Variants in UPF3B observed in about 807,000 individuals in gnomAD.
UPF3B encodes the protein regulator of nonsense transcripts 3B.
A neutral mutation model predicts 40.3 loss-of-function variants in UPF3B; 7 were observed. That is an observed-to-expected ratio of 0.17 (90% CI 0.10 to 0.33). UPF3B has a LOEUF of 0.33. UPF3B is among the 10% of genes least tolerant of loss of function. The probability of loss-of-function intolerance (pLI) is 1.00; values close to 1 mark genes in which losing one functional copy is unlikely to be tolerated. For missense variants in UPF3B, 229 were observed against 358.9 expected, an observed-to-expected ratio of 0.64 and a Z score of 2.93; for synonymous variants, 117 against 117.3, an observed-to-expected ratio of 1.00 and a Z score of 0.01.
intron 5 of UPF3B, among the ~76,000 whole-genome samples, chrX:119,814,866 T>C (rs1242245859): frequency 6.2e-5 from 5 of 81,244 alleles, no homozygotes; most frequent in South Asian, 1.2e-3. Flanking sequence ...TTTCTTTTTT[T>C]TTTTTTTTTT....
chrX:119,818,004 C>T (rs2055879480), intron 4 of UPF3B, among the ~76,000 whole-genome samples: 1 of 111,920 alleles, frequency 8.9e-6, no homozygotes, highest in Non-Finnish European at 1.9e-5. Flanking sequence ...CAGTGGCTCA[C>T]ACCTGTAATC....
intron 3 of UPF3B, among the ~76,000 whole-genome samples, chrX:119,823,355 C>T (rs1005522787): frequency 9.0e-6 from 1 of 110,931 alleles, no homozygotes; most frequent in African/African-American, 3.3e-5. Flanking sequence ...GGAATCCTAC[C>T]ACCTCAGCTC....
intron 8 of UPF3B, among the ~76,000 whole-genome samples, chrX:119,839,900 A>G (rs1025225116): frequency 8.9e-6 from 1 of 111,802 alleles, no homozygotes; most frequent in Non-Finnish European, 1.9e-5. Context: ...AGGAATAGCA[A>G]GTCAAGTCAC....
At chrX:119,808,836 C>T (rs1218875974) in intron 5 of UPF3B, among the ~76,000 whole-genome samples, 2 of 112,585 alleles carry the variant, frequency 1.8e-5, no homozygotes, top group Non-Finnish European at 3.7e-5. Context: ...TCCATTTTCA[C>T]CTGCCTTTGC....
intron 5 of UPF3B, among the ~76,000 whole-genome samples, chrX:119,812,887 A>G (rs1375879568): frequency 9.0e-6 from 1 of 110,902 alleles, no homozygotes; most frequent in African/African-American, 3.3e-5. Flanking sequence ...TAATGAAATC[A>G]CGACTGCCAA....
At chrX:119,846,971 T>C (rs1314978981) in intron 3 of UPF3B, among the ~76,000 whole-genome samples, 2 of 112,449 alleles carry the variant, frequency 1.8e-5, no homozygotes, top group Non-Finnish European at 3.8e-5. Flanking sequence ...TCAAAAGACT[T>C]GAATAGACAT....
chrX:119,845,051 A>G (rs1273118484), intron 4 of UPF3B, 147 bp downstream of exon 4: 1 of 478,805 alleles, frequency 2.1e-6, no homozygotes, highest in African/African-American at 2.4e-5. Flanking sequence ...CAATTAAGCA[A>G]AGCTTCCATC....
chrX:119,846,858 A>G (rs2147795451), intron 3 of UPF3B, among the ~76,000 whole-genome samples: 1 of 112,665 alleles, frequency 8.9e-6, no homozygotes, highest in South Asian at 3.6e-4. Context: ...AATGGGAGAA[A>G]TATTTGCAAA....
intron 4 of UPF3B, among the ~76,000 whole-genome samples, chrX:119,820,187 A>C (rs2055901355): frequency 9.0e-6 from 1 of 111,188 alleles, no homozygotes; most frequent in Non-Finnish European, 1.9e-5. Flanking sequence ...TCTGTCGCTC[A>C]GGCAGGAGTG....
intron 3 of UPF3B, among the ~76,000 whole-genome samples, chrX:119,824,543 G>C (rs1263006836): frequency 9.1e-6 from 1 of 110,204 alleles, no homozygotes; most frequent in African/African-American, 3.3e-5. Context: ...GTCAACTCAT[G>C]CCTGGTGGTT....
At position 119,838,035 on chromosome X, in the gene UPF3B, C is replaced by T. The variant is rs372808214; in HGVS notation, c.1024G>A (p.Gly342Ser). The change falls in exon 10 of 11, where the codon GGC becomes AGC. Residue 342 changes from glycine to serine, a missense_variant. Transcript: ENST00000276201. The stretch of plus-strand genomic sequence containing the variant: ...CGTTCCCTCTCCCTATAGTCTCTGC[C>T]GCTCTCATCTTCAGGTCTGCATGAA... ...EKPKRPEDES[G>S]RDYREREREY... 6 of 1,208,855 alleles carry T rather than the reference C, an allele frequency of 5.0e-6. No homozygotes were observed. The highest frequency in any genetic ancestry group is 3.5e-5 in the African/African-American group (2 of 56,943).
chrX:119,814,705 C>T (rs1448854184), intron 5 of UPF3B, among the ~76,000 whole-genome samples: 1 of 111,909 alleles, frequency 8.9e-6, no homozygotes, highest in Non-Finnish European at 1.9e-5. Flanking sequence ...AATTGCAATG[C>T]ATGTCCTTGC....
rs1306905121 is a variant in UPF3B, at chrX:119,851,750, T to G, written c.263+17A>C. ...AACCTTTTTCATTTACCCCTTTCCT[T>G]TTTTTTTTTTTTTTACCTCGTATCA... On this transcript the variant is annotated intron_variant, in intron 2 of 10. Transcript: ENST00000276201. The G allele has an allele frequency of 2.6e-6, 1 of 380,647 alleles. No homozygotes were observed. 31.4% of individuals were successfully genotyped at this position (380,647 alleles called of 1,213,427 possible).
intron 3 of UPF3B, 82 bp from the exon 4 acceptor site, chrX:119,845,378 T>C (rs2056215226): frequency 2.4e-6 from 2 of 820,066 alleles, no homozygotes; most frequent in Non-Finnish European, 1.8e-6. Flanking sequence ...CATTGCTTTC[T>C]ATGACTCTTT....
At chrX:119,823,352 T>TAC (rs1291085350) in intron 3 of UPF3B, among the ~76,000 whole-genome samples, 1 of 111,096 alleles carries the variant, frequency 9.0e-6, no homozygotes, top group Non-Finnish European at 1.9e-5. Context: ...GAAGGAATCC[T>TAC]ACCACCTCAG....
chrX:119,830,231 G>A (rs1483498819), downstream of UPF3B, among the ~76,000 whole-genome samples: 1 of 111,374 alleles, frequency 9.0e-6, no homozygotes, highest in East Asian at 2.8e-4. Context: ...AATAGTTGAT[G>A]TGGTTTGGAT....
chrX:119,806,434 GTAAC>G (rs768009813), intron 6 of UPF3B, among the ~76,000 whole-genome samples: 6 of 104,988 alleles, frequency 5.7e-5, no homozygotes, highest in Non-Finnish European at 7.8e-5. Flanking sequence ...GTATACATAT[GTAAC>G]TAACCTGCAC....
rs770961195 is a variant in UPF3B at position 119,840,740 on chromosome X, A to G, written c.808-56T>C. ...TAACTTCATGTATCAATTATGAAGA[A>G]AAAGCTGAAAAAAAACCATAAATCA... On this transcript the variant is annotated intron_variant, in intron 7 of 10. Transcript: ENST00000276201. The G allele has an allele frequency of 1.6e-5, 18 of 1,102,837 alleles. No individual in the cohort carries two copies. In the East Asian group the frequency reaches 5.1e-4, roughly 31 times the overall value. 90.9% of individuals were successfully genotyped at this position (1,102,837 alleles called of 1,213,427 possible). A position where few individuals can be genotyped will look rare whatever the true frequency, so the allele number is the denominator to read the frequency against.
intron 3 of UPF3B, among the ~76,000 whole-genome samples, chrX:119,845,513 A>G (rs1274887209): frequency 8.9e-6 from 1 of 112,547 alleles, no homozygotes; most frequent in Non-Finnish European, 1.9e-5. Flanking sequence ...ACGGCATGAA[A>G]GTAAAATATT....
Sources: gnomAD v4.1 joint callset for allele counts (sites outside exome capture counted in the v4.1 genomes callset) on GRCh38, gnomAD v4.1.1 for gene constraint, MANE v1.5 for transcripts, NCBI Gene and HGNC (gene_info 2026-07-23, HGNC 2026-07-21) for gene names.